DSP: variants seen among roughly 807,000 people sequenced by gnomAD.
DSP encodes 250/210 kDa paraneoplastic pemphigus antigen.
A neutral mutation model predicts 290.6 loss-of-function variants in DSP; 114 were observed. That is an observed-to-expected ratio of 0.39 (90% confidence interval 0.34 to 0.46). The LOEUF (loss-of-function observed/expected upper bound fraction) is 0.46, where lower values mean the gene tolerates loss of function less well. Ranked by LOEUF, DSP falls within the 20% of genes least tolerant of loss-of-function variation. The pLI is 0.99. For missense variants in DSP, 3,230 were observed against 3,495.8 expected, an observed-to-expected ratio of 0.92 and a Z score of 1.92; for synonymous variants, 1,311 against 1,316.4, an observed-to-expected ratio of 1.00 and a Z score of 0.09.
chr6:7,578,598 A>G (rs1378834881), intron 22 of DSP, 36 bp downstream of exon 22: 1 of 1,483,622 alleles, frequency 6.7e-7, no homozygotes, highest in Non-Finnish European at 9.4e-7. Context: ...GCGTCAAAAA[A>G]GAAAATAGAA....
In DSP at chr6:7,571,570, C is replaced by G; in HGVS notation, c.1889C>G (p.Pro630Arg). Residue 630 changes from proline (P) to arginine (R), a missense_variant, in exon 14 of 24, where the codon CCC (proline) becomes CGC (arginine). Around this residue, in one of 5 missense-constraint regions of DSP, gnomAD observed 81 missense variants for 130.5 expected, o/e 0.62. Transcript: ENST00000379802. ...CTGGTCATTCAGCTCCCTGGCTATC[C>G]CCAGCACCAGACAGGTCGGCTTGGG... ...QTLVIQLPGY[P>R]QHQTVTTTEI... 1.9e-6 allele frequency: 3 copies of G among 1,614,172 alleles called. No individual in the cohort carries two copies. The highest frequency in any genetic ancestry group is 2.5e-6 in the Non-Finnish European group (3 of 1,180,022).
At chr6:7,549,776 A>G (rs1412901217) in intron 1 of DSP, among the ~76,000 whole-genome samples, 4 of 152,190 alleles carry the variant, frequency 2.6e-5, no homozygotes, top group African/African-American at 4.8e-5. Context: ...GAAGGGAGAG[A>G]TGGAAAGAGG....
intron 1 of DSP, among the ~76,000 whole-genome samples, chr6:7,544,959 T>C (rs1279996759): frequency 3.9e-5 from 6 of 152,234 alleles, no homozygotes; most frequent in African/African-American, 1.4e-4. Flanking sequence ...GGACATTATA[T>C]TAATACTGTT....
chr6:7,575,241 G>C (rs1443126072), intron 17 of DSP, 54 bp from the exon 18 acceptor site: 3 of 1,588,288 alleles, frequency 1.9e-6, no homozygotes, highest in Non-Finnish European at 2.6e-6. Context: ...TTGTAGTGTA[G>C]CATACAATGG....
intron 13 of DSP, 112 bp downstream of exon 13, chr6:7,570,675 G>A (rs1387376933): frequency 2.3e-5 from 34 of 1,483,244 alleles, no homozygotes; most frequent in African/African-American, 4.1e-5. Flanking sequence ...TTTGTGTCTC[G>A]TCAAGCAAGT....
In DSP at chr6:7,578,523, G is replaced by A; in HGVS notation, c.3045G>A (p.Arg1015=). Residue 1015 remains arginine (R), a synonymous_variant, in exon 22 of 24, where the codon AGG becomes AGA. Transcript: ENST00000379802. ...TTACAAGATCTGGAGACTATTACAG[G>A]TTCTTAAGTGAGATGCTGAAGAGTT... ...ELLTRSGDYY[R]FLSEMLKSLE... is the part of the protein sequence containing the mutation. 6.2e-7 allele frequency: 1 copy of A among 1,613,710 alleles called. No homozygotes were observed. Among genetic ancestry groups the A allele is most frequent in the Non-Finnish European group, 8.5e-7 (1 of 1,179,858 alleles).
chr6:7,541,874 T>TTA lies in DSP; in HGVS notation c.-40_-39dup, dbSNP rs1757984382. The stretch of plus-strand genomic sequence containing the variant: ...CTTTCTCCGCGCCGGCCCGCCTCGC[T>TTA]TATGCCTCGGCGCTGAGCCGCTCTC... On this transcript the variant is annotated 5_prime_UTR_variant, in exon 1 of 24. The change creates a new upstream start codon in the 5' untranslated region. Coordinates refer to ENST00000379802, the MANE Select transcript of DSP (RefSeq NM_004415.4). 6.3e-7 allele frequency: 1 copy of TTA among 1,584,588 alleles called. No homozygotes were observed. The highest frequency in any genetic ancestry group is 1.4e-5 in the African/African-American group (1 of 74,072).
intron 14 of DSP, 109 bp downstream of exon 14, chr6:7,571,693 C>T: frequency 1.3e-6 from 2 of 1,502,118 alleles, no homozygotes; most frequent in Non-Finnish European, 1.8e-6. Flanking sequence ...GCTATATAGC[C>T]AGTGTTCTTC....
In DSP at chr6:7,575,410, T is replaced by C. The variant is rs111368396; in HGVS notation, c.2552T>C (p.Leu851Pro). The C allele has an allele frequency of 6.2e-7, 1 of 1,614,108 alleles. No homozygotes were observed. The highest frequency in any genetic ancestry group is 1.7e-5 in the Admixed American group (1 of 59,998). Residue 851 changes from leucine to proline, a missense_variant, in exon 18 of 24, where the codon CTG becomes CCG. By Grantham distance (98) the Leu-to-Pro change is moderately conservative. Transcript: ENST00000379802. ...TCACAGCAGTATCCACTTTATGATC[T>C]GGACTTGGGCAAGTTCGGTGAAAAA... ...QTSQQYPLYDLDLGKFGEKVT... is the reference protein window; with the variant it reads ...QTSQQYPLYDPDLGKFGEKVT...
At chr6:7,573,154 G>T (rs1004908742) in intron 15 of DSP, among the ~76,000 whole-genome samples, 1 of 151,944 alleles carries the variant, frequency 6.6e-6, no homozygotes, top group African/African-American at 2.4e-5. Flanking sequence ...ATGTATGTAT[G>T]TACATATGTG....
chr6:7,577,095 G>A, intron 20 of DSP, 53 bp downstream of exon 20: 1 of 1,412,050 alleles, frequency 7.1e-7, no homozygotes, highest in Non-Finnish European at 9.9e-7. Context: ...ATTATTAACT[G>A]CATGACTTGC....
intron 4 of DSP, among the ~76,000 whole-genome samples, chr6:7,560,899 A>G (rs1262731746): frequency 1.3e-5 from 2 of 151,998 alleles, no homozygotes; most frequent in Non-Finnish European, 2.9e-5. Flanking sequence ...GTAAATGCTC[A>G]ATGTCTTTAA....
chr6:7,583,877 G>C lies in DSP; in HGVS notation c.6615G>C (p.Lys2205Asn). Residue 2205 changes from lysine (K) to asparagine (N), a missense_variant, in exon 24 of 24, where the codon AAG (lysine) becomes AAC (asparagine). Transcript: ENST00000379802. This position sits in a 1 kb window ranked among gnomAD's most constrained non-coding sequence, Gnocchi z 4.0. ...GTCTGCTCTTGCTTTCAGTACAGAA[G>C]AGAAGCATGTCCTTCCAAGGAATCA... ...HTGLLLLSVQ[K>N]RSMSFQGIRQ... 1 of 1,614,144 alleles carries C rather than the reference G, an allele frequency of 6.2e-7. No individual in the cohort carries two copies. The highest frequency in any genetic ancestry group is 8.5e-7 in the Non-Finnish European group (1 of 1,180,024).
intron 2 of DSP, 114 bp from the exon 3 acceptor site, chr6:7,558,002 C>T (rs947608021): frequency 3.7e-5 from 49 of 1,319,694 alleles, no homozygotes; most frequent in African/African-American, 2.9e-5. Context: ...TTTTCACTGG[C>T]GAAACTTACA....
In DSP at chr6:7,581,300, G is replaced by A. The variant is rs1312263432; in HGVS notation, c.5110G>A (p.Glu1704Lys). 1 of 1,614,176 alleles carries A rather than the reference G, an allele frequency of 6.2e-7. No individual in the cohort carries two copies. The highest frequency in any genetic ancestry group is 8.5e-7 in the Non-Finnish European group (1 of 1,180,042). The change falls in exon 23 of 24, where the codon GAG (glutamate) becomes AAG (lysine). Residue 1704 changes from glutamate (E) to lysine (K), a missense_variant. Transcript: ENST00000379802. ...CTTAAATGAAAGCAAAATAGAAATT[G>A]AGAGGCTGCAGTCTCTCACAGAGAA... ...RSLNESKIEI[E>K]RLQSLTENLT... is the part of the protein sequence containing the mutation.
rs730880082 is a variant in DSP, at chr6:7,576,986, C to G, written c.2821C>G (p.Arg941Gly). 1.9e-6 allele frequency: 3 copies of G among 1,612,968 alleles called. No individual in the cohort carries two copies. Among genetic ancestry groups the G allele is most frequent in the Non-Finnish European group, 2.5e-6 (3 of 1,179,410 alleles). ...KNLHSEISGK[R>G]DKSEEVQKIA... ...CTTGCACAGTGAAATATCTGGCAAA[C>G]GAGACAAATCAGAGGAAGTACAAAA... The change falls in exon 20 of 24, where the codon CGA (arginine) becomes GGA (glycine). Residue 941 changes from arginine (R) to glycine (G), a missense_variant. Around this residue, in one of 5 missense-constraint regions of DSP, gnomAD observed 1,714 missense variants for 1,844.5 expected, o/e 0.93. Transcript: ENST00000379802.
rs71559180 is a variant in DSP, at chr6:7,541,993, G to C, written c.78G>C (p.Leu26=). 6.2e-7 allele frequency: 1 copy of C among 1,600,344 alleles called. No individual in the cohort carries two copies. The highest frequency in any genetic ancestry group is 8.5e-7 in the Non-Finnish European group (1 of 1,174,706). Residue 26 remains leucine, a synonymous_variant, in exon 1 of 24, where the codon CTG becomes CTC. Coordinates refer to ENST00000379802, the MANE Select transcript of DSP (RefSeq NM_004415.4). ...TCCGCGCCGAGTCTGGCCCGGACCTGCGCTACGAGGTGACCAGCGGCGGCG... is the reference window on the plus strand; with the variant it reads ...TCCGCGCCGAGTCTGGCCCGGACCTCCGCTACGAGGTGACCAGCGGCGGCG... The part of the protein sequence containing the change: ...RMIRAESGPD[L]RYEVTSGGGG...
rs969462343 is a variant in DSP at position 7,574,189 on chromosome 6, A to C, written c.2234A>C (p.Glu745Ala). ...GAAAAGTACTGCTATTTACAGAATGAAGTATTTGGACTATTTCAGAAACTG... is the reference window on the plus strand; with the variant it reads ...GAAAAGTACTGCTATTTACAGAATGCAGTATTTGGACTATTTCAGAAACTG... ...GSEKYCYLQN[E>A]VFGLFQKLEN... is the part of the protein sequence containing the mutation. Residue 745 changes from glutamate to alanine, a missense_variant, in exon 16 of 24, where the codon GAA becomes GCA. Transcript: ENST00000379802. 1.2e-6 allele frequency: 2 copies of C among 1,614,072 alleles called. No individual in the cohort carries two copies. The highest frequency in any genetic ancestry group is 1.7e-6 in the Non-Finnish European group (2 of 1,179,936).
chr6:7,554,732 A>G (rs1007725624), intron 1 of DSP, among the ~76,000 whole-genome samples: 3 of 152,152 alleles, frequency 2.0e-5, no homozygotes, highest in Admixed American at 6.5e-5. Flanking sequence ...GTAGCCTCCA[A>G]CTCGTGGGCT....
Sources: allele counts gnomAD v4.1 joint callset (sites outside exome capture counted in the v4.1 genomes callset), GRCh38; gene constraint gnomAD v4.1.1; regional missense constraint gnomAD v4.1.1; non-coding constraint Gnocchi (gnomAD v3.1); transcripts MANE v1.5; gene names NCBI Gene and HGNC (gene_info 2026-07-23, HGNC 2026-07-21).